The following EYA1 variants were observed in gnomAD, a reference collection of about 807,000 sequenced individuals.
EYA1 encodes protein phosphatase EYA1.
A neutral mutation model predicts 82.0 loss-of-function variants in EYA1; 16 were observed. The observed-to-expected ratio is 0.20, with a 90% CI of 0.13 to 0.30. EYA1 has a LOEUF of 0.30. Ranked by LOEUF, EYA1 falls within the 10% of genes least tolerant of loss-of-function variation. The probability of loss-of-function intolerance (pLI) is 1.00; values close to 1 mark genes in which losing one functional copy is unlikely to be tolerated. For missense variants in EYA1, 633 were observed against 730.7 expected, an observed-to-expected ratio of 0.87 and a Z score of 1.54; for synonymous variants, 261 against 264.4, an observed-to-expected ratio of 0.99 and a Z score of 0.12.
At chr8:71,505,536 C>T (rs1344738561) in intron 2 of EYA1, among the ~76,000 whole-genome samples, 1 of 152,184 alleles carries the variant, frequency 6.6e-6, no homozygotes, top group African/African-American at 2.4e-5. Flanking sequence ...AAGGCCTGCT[C>T]TCCCCTCATA....
upstream of EYA1, among the ~76,000 whole-genome samples, chr8:71,364,958 A>G (rs1827659491): frequency 8.0e-6 from 1 of 124,924 alleles, no homozygotes; most frequent in Non-Finnish European, 1.6e-5. Context: ...ATATATATAT[A>G]TATATATATA....
At chr8:71,338,459 C>T (rs1376657893) in intron 3 of EYA1, among the ~76,000 whole-genome samples, 7 of 152,118 alleles carry the variant, frequency 4.6e-5, no homozygotes, top group Non-Finnish European at 7.4e-5. Context: ...AAACCATCTT[C>T]CTTCGTCATA....
chr8:71,329,980 G>T (rs898322279), intron 4 of EYA1, among the ~76,000 whole-genome samples: 2 of 152,256 alleles, frequency 1.3e-5, no homozygotes, highest in Non-Finnish European at 2.9e-5. Context: ...GAACACAGAC[G>T]AAGTTAGGGA....
intron 9 of EYA1, among the ~76,000 whole-genome samples, chr8:71,294,437 C>T (rs1163678350): frequency 6.7e-6 from 1 of 149,498 alleles, no homozygotes; most frequent in African/African-American, 2.5e-5. Flanking sequence ...CCAGCCTGGG[C>T]GACAAGGAGA....
intron 4 of EYA1, among the ~76,000 whole-genome samples, chr8:71,332,601 T>A (rs941167724): frequency 6.6e-6 from 1 of 152,158 alleles, no homozygotes; most frequent in African/African-American, 2.4e-5. Context: ...TCTCCCTGAT[T>A]TCTCCACTTC....
chr8:71,291,562 T>G (rs1407064742), intron 9 of EYA1, among the ~76,000 whole-genome samples: 5 of 152,350 alleles, frequency 3.3e-5, no homozygotes, highest in Non-Finnish European at 7.4e-5. Context: ...GCATTCATAC[T>G]AAATCTTATT....
intron 3 of EYA1, among the ~76,000 whole-genome samples, chr8:71,343,434 T>A (rs1359228320): frequency 6.6e-6 from 1 of 152,192 alleles, no homozygotes; most frequent in African/African-American, 2.4e-5. Context: ...CACGAATGTA[T>A]TAATCCATTC....
At position 71,267,058 on chromosome 8, in the gene EYA1, T is replaced by C. The variant is rs115860117; in HGVS notation, c.1050+2682A>G. On this transcript the variant is annotated intron_variant, in intron 11 of 17. Coordinates refer to ENST00000340726, the MANE Select transcript of EYA1 (RefSeq NM_000503.6). ...CTACAACCTCCAATTTGGACCCCCA[T>C]TTTTCTTCCACTACCATTCATTCTT... 4.9e-3 allele frequency among the ~76,000 whole-genome samples: 739 copies of C among 152,292 alleles called. 8 individuals carry two copies. The highest frequency in any genetic ancestry group is 0.017 in the African/African-American group (700 of 41,562).
At chr8:71,470,905 A>G in intron 2 of EYA1, 1 of 455,642 alleles carries the variant, frequency 2.2e-6, no homozygotes, top group Non-Finnish European at 4.4e-6. Context: ...CAAATGTCGT[A>G]ACATATTGAA....
chr8:71,200,694 C>T (rs529195381), intron 17 of EYA1, among the ~76,000 whole-genome samples: 1 of 152,220 alleles, frequency 6.6e-6, no homozygotes, highest in Admixed American at 6.5e-5. Flanking sequence ...ACAGAGCACA[C>T]TGTGTCAGGT....
chr8:71,406,713 G>C (rs191474592), intron 2 of EYA1, among the ~76,000 whole-genome samples: 259 of 152,098 alleles, frequency 1.7e-3, no homozygotes, highest in African/African-American at 6.0e-3. Context: ...CAACTGGCTC[G>C]GAGGGTCCTA....
chr8:71,229,670 CACAT>C (rs1810965570), intron 12 of EYA1, among the ~76,000 whole-genome samples: 2 of 152,250 alleles, frequency 1.3e-5, no homozygotes, highest in Middle Eastern at 6.8e-3. Context: ...TATAAAATGA[CACAT>C]ACTCATGTAG....
chr8:71,432,859 CA>C (rs940548597), intron 2 of EYA1, among the ~76,000 whole-genome samples: 1 of 152,090 alleles, frequency 6.6e-6, no homozygotes, highest in African/African-American at 2.4e-5. Flanking sequence ...CAAAAGAAGA[CA>C]ATGAGACATT....
At chr8:71,324,734 C>T (rs1390075016) in intron 4 of EYA1, among the ~76,000 whole-genome samples, 4 of 152,174 alleles carry the variant, frequency 2.6e-5, no homozygotes, top group Non-Finnish European at 5.9e-5. Context: ...TACTGTCTTC[C>T]GACCCCCTGC....
chr8:71,523,185 T>C (rs1359170644), intron 2 of EYA1, among the ~76,000 whole-genome samples: 2 of 142,830 alleles, frequency 1.4e-5, no homozygotes, highest in Admixed American at 7.0e-5. Context: ...TTTTCTTTTT[T>C]TTTTTTTTTT....
chr8:71,459,007 C>T (rs1808169194), intron 2 of EYA1, among the ~76,000 whole-genome samples: 1 of 152,014 alleles, frequency 6.6e-6, no homozygotes, highest in Non-Finnish European at 1.5e-5. Flanking sequence ...GTCTTCTAAA[C>T]TAGATAGGGA....
chr8:71,231,224 T>C (rs1358564032), intron 12 of EYA1, among the ~76,000 whole-genome samples: 1 of 152,230 alleles, frequency 6.6e-6, no homozygotes, highest in East Asian at 1.9e-4. Flanking sequence ...TTTCTCATCA[T>C]TATTGACCCC....
At chr8:71,286,797 G>GT (rs141777395) in intron 9 of EYA1, among the ~76,000 whole-genome samples, 9 of 112,462 alleles carry the variant, frequency 8.0e-5, no homozygotes, top group Admixed American at 1.8e-4. Flanking sequence ...CATATTGGTA[G>GT]TTTTTTTTTT....
chr8:71,224,653 C>T (rs1204330788), intron 12 of EYA1, among the ~76,000 whole-genome samples: 1 of 152,180 alleles, frequency 6.6e-6, no homozygotes, highest in Non-Finnish European at 1.5e-5. Context: ...CATAAATTGT[C>T]TGAAAGCTAA....
Sources: allele counts gnomAD v4.1 joint callset (sites outside exome capture counted in the v4.1 genomes callset), GRCh38; gene constraint gnomAD v4.1.1; transcripts MANE v1.5; gene names NCBI Gene and HGNC (gene_info 2026-07-23, HGNC 2026-07-21).